Variants in CCDC3 observed in about 807,000 individuals in gnomAD.
CCDC3 encodes coiled-coil domain containing 3, also known as coiled-coil domain-containing protein 3.
Under a neutral mutation model 21.4 loss-of-function variants are expected in CCDC3, and 24 were observed. That is an observed-to-expected ratio of 1.12 (90% CI 0.81 to 1.58). The LOEUF (loss-of-function observed/expected upper bound fraction) is 1.58. CCDC3 is among the 40% of genes most tolerant of loss of function. The pLI, the probability that CCDC3 is intolerant of heterozygous loss-of-function variation, is 0.00. For missense variants in CCDC3, 425 were observed against 360.9 expected (o/e 1.18, Z -1.44); for synonymous variants, 186 against 166.0 (o/e 1.12, Z -0.93).
chr10:12,929,277 AAAAAAG>A (rs1834601311), intron 2 of CCDC3, among the ~76,000 whole-genome samples: 1 of 151,758 alleles, frequency 6.6e-6, no homozygotes, highest in Admixed American at 6.6e-5. Context: ...AAAAAAAAAA[AAAAAAG>A]AACAGAATAG....
chr10:13,092,173 G>C (rs1027972356), intron 3 of CCDC3, among the ~76,000 whole-genome samples: 1 of 152,174 alleles, frequency 6.6e-6, no homozygotes, highest in Non-Finnish European at 1.5e-5. Context: ...TTGTGCTGAA[G>C]GTGAATTAAA....
At chr10:12,916,690 G>A (rs990882754) in intron 2 of CCDC3, among the ~76,000 whole-genome samples, 4 of 152,114 alleles carry the variant, frequency 2.6e-5, no homozygotes, top group Non-Finnish European at 5.9e-5. Context: ...TCAAAGCCTG[G>A]AGCCAAGTGG....
intron 2 of CCDC3, among the ~76,000 whole-genome samples, chr10:12,987,374 T>C (rs1365205685): frequency 1.3e-5 from 2 of 152,216 alleles, no homozygotes; most frequent in Admixed American, 1.3e-4. Context: ...TCTTATGGGA[T>C]ATATGGGGCT....
At chr10:12,931,254 G>A (rs1251016) in intron 2 of CCDC3, among the ~76,000 whole-genome samples, 146,123 of 148,884 alleles carry the variant, frequency 0.98, 71,785 homozygotes, top group East Asian at 1. Flanking sequence ...TGACAAGTCT[G>A]CCGTATTCAT....
chr10:13,048,628 T>C (rs940014978), intron 5 of CCDC3, among the ~76,000 whole-genome samples: 2 of 152,184 alleles, frequency 1.3e-5, no homozygotes, highest in South Asian at 2.1e-4. Flanking sequence ...TTCTATGATA[T>C]TCACTTTGGG....
intron 2 of CCDC3, among the ~76,000 whole-genome samples, chr10:12,935,698 C>A (rs1834725601): frequency 6.7e-6 from 1 of 149,022 alleles, no homozygotes; most frequent in Admixed American, 6.7e-5. Context: ...CGGAGTCTTG[C>A]TCTGTTGCCG....
At chr10:13,077,102 T>G (rs189289311) in intron 3 of CCDC3, among the ~76,000 whole-genome samples, 112 of 152,338 alleles carry the variant, frequency 7.4e-4, no homozygotes, top group Middle Eastern at 3.4e-3. Context: ...ATTGTATATT[T>G]AGAAAACCCC....
intron 2 of CCDC3, among the ~76,000 whole-genome samples, chr10:12,957,666 G>A (rs116342649): frequency 0.019 from 2,858 of 152,154 alleles, 78 homozygotes; most frequent in African/African-American, 0.065. Context: ...GTTTCTAAGC[G>A]TGCGGCACCT....
At chr10:13,004,547 G>A (rs958949540), upstream of CCDC3, among the ~76,000 whole-genome samples, 11 of 151,212 alleles carry the variant, frequency 7.3e-5, no homozygotes, top group Non-Finnish European at 1.5e-4. Flanking sequence ...TTTCAGTGAG[G>A]ACAAATCTCT....
intron 2 of CCDC3, among the ~76,000 whole-genome samples, chr10:12,944,731 T>C (rs971514100): frequency 6.6e-6 from 1 of 152,198 alleles, no homozygotes; most frequent in Non-Finnish European, 1.5e-5. Flanking sequence ...TTCCTACCTA[T>C]GTTTACTAGT....
intron 3 of CCDC3, among the ~76,000 whole-genome samples, chr10:13,080,149 A>G (rs1454658291): frequency 6.6e-6 from 1 of 152,164 alleles, no homozygotes; most frequent in East Asian, 1.9e-4. Flanking sequence ...GATCCCACCC[A>G]GCCCAAGAGA....
intron 2 of CCDC3, among the ~76,000 whole-genome samples, chr10:12,928,167 C>A (rs1412943777): frequency 6.6e-6 from 1 of 152,176 alleles, no homozygotes; most frequent in African/African-American, 2.4e-5. Context: ...ACTATACCAA[C>A]TGTGGCTCAA....
intron 5 of CCDC3, among the ~76,000 whole-genome samples, chr10:13,026,715 A>G (rs1355043796): frequency 1.3e-5 from 2 of 152,242 alleles, no homozygotes; most frequent in Admixed American, 6.5e-5. Context: ...CAAAAAGCAT[A>G]CATGCTAACC....
chr10:13,023,951 G>A (rs545843373), intron 5 of CCDC3, among the ~76,000 whole-genome samples: 1 of 152,262 alleles, frequency 6.6e-6, no homozygotes, highest in South Asian at 2.1e-4. Context: ...TTGAAAATGG[G>A]TGGTACACAG....
intron 4 of CCDC3, among the ~76,000 whole-genome samples, chr10:13,051,604 G>A (rs1380012143): frequency 1.3e-5 from 2 of 152,106 alleles, no homozygotes; most frequent in African/African-American, 2.4e-5. Context: ...CACTGTCCCC[G>A]GGTGGGACAC....
intron 2 of CCDC3, among the ~76,000 whole-genome samples, chr10:12,948,467 G>GCACACACA (rs35847630): frequency 2.0e-5 from 3 of 148,368 alleles, no homozygotes; most frequent in South Asian, 4.3e-4. Flanking sequence ...GCAGACAATT[G>GCACACACA]CACACACACA....
chr10:12,950,359 G>A (rs1834988910), intron 2 of CCDC3, among the ~76,000 whole-genome samples: 1 of 152,194 alleles, frequency 6.6e-6, no homozygotes, highest in African/African-American at 2.4e-5. Context: ...GCAGTTTTAA[G>A]AGAAAGAGAT....
At chr10:12,931,110 C>G (rs1002195666) in intron 2 of CCDC3, among the ~76,000 whole-genome samples, 2 of 146,180 alleles carry the variant, frequency 1.4e-5, no homozygotes, top group African/African-American at 5.1e-5. Flanking sequence ...ACCTGGGAGG[C>G]TAAAGCAGGA....
intron 2 of CCDC3, among the ~76,000 whole-genome samples, chr10:12,908,445 T>G (rs1417708780): frequency 2.0e-5 from 3 of 152,164 alleles, no homozygotes; most frequent in Non-Finnish European, 4.4e-5. Flanking sequence ...TCTCCTGTGT[T>G]TCTCCCAGGG....
Sources: allele counts gnomAD v4.1 joint callset (sites outside exome capture counted in the v4.1 genomes callset), GRCh38; gene constraint gnomAD v4.1.1; transcripts MANE v1.5; gene names NCBI Gene and HGNC (gene_info 2026-07-23, HGNC 2026-07-21).